NWD2: variants seen among roughly 807,000 people sequenced by gnomAD.
NWD2 encodes the protein NACHT and WD repeat domain-containing protein 2.
Under a neutral mutation model 132.7 loss-of-function variants are expected in NWD2, and 37 were observed. The ratio of observed to expected loss-of-function variants is 0.28; its 90% CI spans 0.21 to 0.37. The LOEUF (loss-of-function observed/expected upper bound fraction) is 0.37. Ranked by LOEUF, NWD2 falls within the 10% of genes least tolerant of loss-of-function variation. The pLI is 1.00. For synonymous variants in NWD2, 705 were observed against 803.0 expected, an observed-to-expected ratio of 0.88 and a Z score of 2.06; for missense variants, 1,592 against 2,122.4, an observed-to-expected ratio of 0.75 and a Z score of 4.91.
In NWD2 at chr4:37,394,812, T is replaced by TGTTTTGTTTTG. The variant is rs1560411793; in HGVS notation, c.358-35760_358-35759insGTTTTGTTTTG. 2.0e-4 allele frequency among the ~76,000 whole-genome samples: 24 copies of TGTTTTGTTTTG among 119,860 alleles called. No homozygotes were observed. The East Asian group carries it at 3.3e-3, about 17-fold the overall frequency. The allele number at this position is 119,860 out of a possible 152,430, so 78.6% of individuals were successfully genotyped here. A position where few individuals can be genotyped will look rare whatever the true frequency, so the allele number is the denominator to read the frequency against. On this transcript the variant is annotated intron_variant, in intron 3 of 6. Transcript: ENST00000309447. ...TGAACCTTTATGGTTTTTTTTTTTT[T>TGTTTTGTTTTG]TTTTTTTTTTTTTTTTGAGGCAGAG...
At chr4:37,394,634 C>T (rs1367695523) in intron 3 of NWD2, among the ~76,000 whole-genome samples, 1 of 151,988 alleles carries the variant, frequency 6.6e-6, no homozygotes, top group Non-Finnish European at 1.5e-5. Flanking sequence ...TTTTATTTAT[C>T]TTACCTGAAA....
intron 3 of NWD2, among the ~76,000 whole-genome samples, chr4:37,406,034 T>TG (rs1289599696): frequency 6.7e-6 from 1 of 149,434 alleles, no homozygotes; most frequent in African/African-American, 2.4e-5. Flanking sequence ...ATAAGGGTTA[T>TG]GAAAAAATTC....
chr4:37,368,469 A>T (rs1385032381), intron 3 of NWD2, among the ~76,000 whole-genome samples: 2 of 152,154 alleles, frequency 1.3e-5, no homozygotes, highest in African/African-American at 2.4e-5. Context: ...GCTAATGGTA[A>T]GTCATATACT....
Position 37,394,799 on chromosome 4 carries a change from G to GTTTTTTTTTTTT in NWD2, c.358-35755_358-35744dup, listed in dbSNP as rs1175840735. Among the ~76,000 whole-genome samples the GTTTTTTTTTTTT allele has an allele frequency of 3.7e-3, 193 of 52,594 alleles. 49 individuals carry two copies. The highest frequency in any genetic ancestry group is 6.8e-3 in the African/African-American group (88 of 12,950). The allele number at this position is 52,594 out of a possible 152,430, so 34.5% of individuals were successfully genotyped here. ...TTTTCCTCTATAGTGAACCTTTATG[G>GTTTTTTTTTTTT]TTTTTTTTTTTTTTTTTTTTTTTTT... is the stretch of plus-strand genomic sequence containing the variant. On this transcript the variant is annotated intron_variant, in intron 3 of 6. Transcript: ENST00000309447.
chr4:37,324,413 G>A (rs538559725), intron 1 of NWD2, among the ~76,000 whole-genome samples: 1 of 151,172 alleles, frequency 6.6e-6, no homozygotes, highest in Non-Finnish European at 1.5e-5. Flanking sequence ...TTTGTTATTT[G>A]GGTTTTGAAA....
intron 1 of NWD2, among the ~76,000 whole-genome samples, chr4:37,286,596 T>C (rs1270730458): frequency 1.3e-5 from 2 of 152,102 alleles, no homozygotes; most frequent in African/African-American, 4.8e-5. Context: ...AGCCCTGTAG[T>C]GTGTAGCCTG....
intron 1 of NWD2, among the ~76,000 whole-genome samples, chr4:37,286,378 A>G (rs1053877139): frequency 2.2e-4 from 34 of 152,354 alleles, no homozygotes; most frequent in African/African-American, 7.5e-4. Context: ...GGAGTAATAT[A>G]TTAACTCTTT....
In NWD2 at chr4:37,244,931, C is replaced by T. The variant is rs1225287748; in HGVS notation, c.-137C>T. On this transcript the variant is annotated 5_prime_UTR_variant, in exon 1 of 7. Coordinates refer to ENST00000309447, the MANE Select transcript of NWD2 (RefSeq NM_001144990.2). This position sits in a 1 kb window ranked among gnomAD's most constrained non-coding sequence, Gnocchi z 5.5. ...TGCGCCACGGAGCTCGCCAAAGGCG[C>T]TTCGGGCTCGGAGCGGCTCTGAGCC... 4.1e-5 allele frequency: 49 copies of T among 1,188,074 alleles called. No homozygotes were observed. The highest frequency in any genetic ancestry group is 4.6e-5 in the Non-Finnish European group (40 of 876,998). 73.6% of individuals were successfully genotyped at this position (1,188,074 alleles called of 1,614,324 possible). A position where few individuals can be genotyped will look rare whatever the true frequency, so the allele number is the denominator to read the frequency against.
chr4:37,351,638 C>A (rs915555988), intron 2 of NWD2, among the ~76,000 whole-genome samples: 25 of 152,218 alleles, frequency 1.6e-4, no homozygotes, highest in Admixed American at 7.8e-4. Flanking sequence ...CTCCTGGATT[C>A]ATTGATTTTT....
Position 37,395,152 on chromosome 4 carries a change from A to G in NWD2, c.358-35420A>G, listed in dbSNP as rs575243286. ...AGACCTCACCCTCCTCCTAGCCCTC[A>G]GTTGACAGACAGATAGTGCCCTGAC... On this transcript the variant is annotated intron_variant, in intron 3 of 6. Coordinates refer to ENST00000309447, the MANE Select transcript of NWD2 (RefSeq NM_001144990.2). Among the ~76,000 whole-genome samples, 171 of 152,060 alleles carry G rather than the reference A, an allele frequency of 1.1e-3. 2 individuals carry two copies. The highest frequency in any genetic ancestry group is 3.5e-3 in the African/African-American group (145 of 41,484).
chr4:37,335,320 T>A (rs1237421196), intron 2 of NWD2, among the ~76,000 whole-genome samples: 1 of 142,316 alleles, frequency 7.0e-6, no homozygotes, highest in Non-Finnish European at 1.5e-5. Context: ...GGGCTTAAAT[T>A]GCCTCCCAGG....
At chr4:37,332,049 G>A (rs936591) in intron 2 of NWD2, among the ~76,000 whole-genome samples, 28,730 of 152,142 alleles carry the variant, frequency 0.19, 3,139 homozygotes, top group East Asian at 0.38. Context: ...TCAGCAAGCC[G>A]TGCCACCATG....
chr4:37,272,883 C>A lies in NWD2; in HGVS notation c.151+27665C>A, dbSNP rs76964122. ...ACCTTTCTGATGTAAGCATTTATGG[C>A]AGAGCATATGTTATCTCCTGGAGAA... On this transcript the variant is annotated intron_variant, in intron 1 of 6. Coordinates refer to ENST00000309447, the MANE Select transcript of NWD2 (RefSeq NM_001144990.2). Among the ~76,000 whole-genome samples, 419 of 151,818 alleles carry A rather than the reference C, an allele frequency of 2.8e-3. 2 individuals are homozygous for A. Among genetic ancestry groups the A allele is most frequent in the African/African-American group, 9.6e-3 (399 of 41,496 alleles).
chr4:37,247,611 GA>G (rs1414448407), intron 1 of NWD2, among the ~76,000 whole-genome samples: 1 of 135,062 alleles, frequency 7.4e-6, no homozygotes, highest in Non-Finnish European at 1.6e-5. Flanking sequence ...AGAATGAATA[GA>G]ATTTTTTTTT....
intron 2 of NWD2, among the ~76,000 whole-genome samples, chr4:37,348,034 A>C (rs1719672354): frequency 6.6e-6 from 1 of 152,174 alleles, no homozygotes; most frequent in Non-Finnish European, 1.5e-5. Flanking sequence ...ATGTTATCAC[A>C]ATTTTCTGGT....
At chr4:37,268,184 C>T (rs1021824677) in intron 1 of NWD2, among the ~76,000 whole-genome samples, 7 of 151,886 alleles carry the variant, frequency 4.6e-5, no homozygotes, top group African/African-American at 1.7e-4. Flanking sequence ...ATCCTACTAG[C>T]CCATTGATTT....
chr4:37,390,284 A>G (rs1720656373), intron 3 of NWD2, among the ~76,000 whole-genome samples: 1 of 152,180 alleles, frequency 6.6e-6, no homozygotes, highest in South Asian at 2.1e-4. Context: ...ACATATGAAT[A>G]AAATGCAGTA....
chr4:37,395,068 A>G (rs994081957), intron 3 of NWD2, among the ~76,000 whole-genome samples: 4 of 151,066 alleles, frequency 2.6e-5, no homozygotes, highest in East Asian at 1.9e-4. Context: ...CCGCCCCCCA[A>G]TCCTGGGCTT....
Position 37,441,546 on chromosome 4 carries a change from C to T in NWD2, c.1297-1739C>T, listed in dbSNP as rs114788227. Among the ~76,000 whole-genome samples, 520 of 152,330 alleles carry T rather than the reference C, an allele frequency of 3.4e-3. 3 individuals are homozygous for T. The highest frequency in any genetic ancestry group is 0.011 in the African/African-American group (451 of 41,572). On this transcript the variant is annotated intron_variant, in intron 6 of 6. Transcript: ENST00000309447. The stretch of plus-strand genomic sequence containing the variant: ...GAGGTCAAGACTTATGTGGGATGTG[C>T]TGATTCCCTGCACAGATAAGCAGTC...
Sources: allele counts gnomAD v4.1 joint callset (sites outside exome capture counted in the v4.1 genomes callset), GRCh38; gene constraint gnomAD v4.1.1; non-coding constraint Gnocchi (gnomAD v3.1); transcripts MANE v1.5; gene names NCBI Gene and HGNC (gene_info 2026-07-23, HGNC 2026-07-21).